The following CNTFR variants were observed in gnomAD, a reference collection of about 807,000 sequenced individuals.
CNTFR encodes the protein ciliary neurotrophic factor receptor, also known as ciliary neurotrophic factor receptor subunit alpha.
Under a neutral mutation model 40.4 loss-of-function variants are expected in CNTFR, and 12 were observed. The ratio of observed to expected loss-of-function variants is 0.30; its 90% CI spans 0.19 to 0.48. The LOEUF is 0.48. CNTFR is among the 20% of genes least tolerant of loss of function. The pLI is 0.99. For missense variants in CNTFR, 414 were observed against 506.8 expected (o/e 0.82, Z 1.76); for synonymous variants, 202 against 209.6 (o/e 0.96, Z 0.31).
intron 4 of CNTFR, among the ~76,000 whole-genome samples, chr9:34,559,394 G>T (rs1365167719): frequency 6.6e-6 from 1 of 152,230 alleles, no homozygotes; most frequent in Non-Finnish European, 1.5e-5. Context: ...GCACCAGGTG[G>T]AGGGTGCAAT....
chr9:34,588,966 CAA>C (rs1358161953), intron 1 of CNTFR, among the ~76,000 whole-genome samples: 5 of 152,182 alleles, frequency 3.3e-5, no homozygotes, highest in South Asian at 2.1e-4. Flanking sequence ...GGAAGACTTA[CAA>C]AGAGACACAC....
chr9:34,558,126 C>T (rs1030346046), intron 4 of CNTFR, 142 bp from the exon 5 acceptor site: 11 of 559,532 alleles, frequency 2.0e-5, no homozygotes, highest in South Asian at 1.4e-4. Context: ...AGGCTGTCAG[C>T]GAGGGTCTGA....
intron 1 of CNTFR, among the ~76,000 whole-genome samples, chr9:34,585,934 TG>T (rs776770521): frequency 2.2e-4 from 34 of 152,254 alleles, no homozygotes; most frequent in African/African-American, 7.7e-4. Flanking sequence ...CAACTCGCCA[TG>T]GGGGGGCAGA....
At chr9:34,568,426 C>T (rs929894976) in intron 3 of CNTFR, among the ~76,000 whole-genome samples, 2 of 152,164 alleles carry the variant, frequency 1.3e-5, no homozygotes, top group African/African-American at 4.8e-5. Context: ...CTCTCTCCCG[C>T]ATGTTAGCCT....
In CNTFR at chr9:34,557,289, C is replaced by T. The variant is rs573224094; in HGVS notation, c.604+237G>A. Among the ~76,000 whole-genome samples the T allele has an allele frequency of 5.3e-5, 8 of 152,230 alleles. No homozygotes were observed. The South Asian group carries it at 1.0e-3, about 20-fold the overall frequency. ...ATGTTCTGGGAGCCAGAAAAATGAT[C>T]GAAAGAGCTGCTGGACAGGTCTCTC... On this transcript the variant is annotated intron_variant, in intron 6 of 9. Transcript: ENST00000378980. The surrounding 1 kb of genome is among the most constrained non-coding windows in gnomAD (Gnocchi z 4.2).
At position 34,553,650 on chromosome 9, in the gene CNTFR, G is replaced by A. The variant is rs140711707; in HGVS notation, c.769-796C>T. ...GGGACAGCCCCTGGAGCTGCAGGGC[G>A]CAGGACAGCTGCTCCATTTCCTCCT... is the stretch of plus-strand genomic sequence containing the variant. On this transcript the variant is annotated intron_variant, in intron 7 of 9. Transcript: ENST00000378980. Among the ~76,000 whole-genome samples, 797 of 152,240 alleles carry A rather than the reference G, an allele frequency of 5.2e-3. 10 individuals carry two copies. The highest frequency in any genetic ancestry group is 0.032 in the Admixed American group (494 of 15,306).
intron 2 of CNTFR, among the ~76,000 whole-genome samples, chr9:34,579,076 C>T (rs2132241681): frequency 6.6e-6 from 1 of 152,262 alleles, no homozygotes. Flanking sequence ...CGCACACGCA[C>T]ACGTGCAAAT....
chr9:34,554,173 T>A (rs552979151), intron 7 of CNTFR, among the ~76,000 whole-genome samples: 118 of 152,128 alleles, frequency 7.8e-4, no homozygotes, highest in Non-Finnish European at 1.4e-3. Flanking sequence ...CCTCTTCTCC[T>A]GGAGCCAGGG....
intron 2 of CNTFR, among the ~76,000 whole-genome samples, chr9:34,575,782 C>T (rs1587158967): frequency 6.6e-6 from 1 of 151,776 alleles, no homozygotes; most frequent in Non-Finnish European, 1.5e-5. Context: ...TCTGACAGAG[C>T]CAGAGTTGGG....
At chr9:34,565,835 C>T (rs1826261297) in intron 3 of CNTFR, among the ~76,000 whole-genome samples, 1 of 152,024 alleles carries the variant, frequency 6.6e-6, no homozygotes, top group African/African-American at 2.4e-5. Flanking sequence ...TCTCAGGACA[C>T]CCCCTTCTCA....
At chr9:34,562,054 C>G (rs973044731) in intron 4 of CNTFR, among the ~76,000 whole-genome samples, 2 of 152,176 alleles carry the variant, frequency 1.3e-5, no homozygotes. Context: ...TCCCCTCCAA[C>G]GACCTCTCAA....
chr9:34,551,928 G>C lies in CNTFR; in HGVS notation c.*143C>G. 1.4e-6 allele frequency: 1 copy of C among 718,422 alleles called. No individual in the cohort carries two copies. Among genetic ancestry groups the C allele is most frequent in the East Asian group, 2.7e-5 (1 of 37,100 alleles). 44.5% of individuals were successfully genotyped at this position (718,422 alleles called of 1,614,324 possible). A position where few individuals can be genotyped will look rare whatever the true frequency, so the allele number is the denominator to read the frequency against. On this transcript the variant is annotated 3_prime_UTR_variant, in exon 10 of 10. Transcript: ENST00000378980. Reference sequence around the variant, plus strand: ...GCTGGGGGGCGGCAGGCCCGGGCCCGCCGGGGTCTCCACAAATTGTGTCTG... The same window carrying C: ...GCTGGGGGGCGGCAGGCCCGGGCCCCCCGGGGTCTCCACAAATTGTGTCTG...
At chr9:34,562,678 T>C (rs1487529270) in intron 4 of CNTFR, among the ~76,000 whole-genome samples, 1 of 152,154 alleles carries the variant, frequency 6.6e-6, no homozygotes, top group East Asian at 1.9e-4. Context: ...GGGTGAACCA[T>C]ACCCAAATAA....
At position 34,552,581 on chromosome 9, in the gene CNTFR, A is replaced by T; in HGVS notation, c.949+93T>A. 2.2e-6 allele frequency: 3 copies of T among 1,339,478 alleles called. No individual in the cohort carries two copies. The highest frequency in any genetic ancestry group is 3.0e-6 in the Non-Finnish European group (3 of 992,658). 83.0% of individuals were successfully genotyped at this position (1,339,478 alleles called of 1,614,324 possible). A position where few individuals can be genotyped will look rare whatever the true frequency, so the allele number is the denominator to read the frequency against. The stretch of plus-strand genomic sequence containing the variant: ...GAAGTGTGGCTACCCCCGGGAGCAG[A>T]GGCTGGAGGCAGCAGGGTAGAACCA... On this transcript the variant is annotated intron_variant, in intron 8 of 9. Coordinates refer to ENST00000378980, the MANE Select transcript of CNTFR (RefSeq NM_147164.3). This position sits in a 1 kb window ranked among gnomAD's most constrained non-coding sequence, Gnocchi z 5.1.
At chr9:34,562,435 A>G (rs1415829558) in intron 4 of CNTFR, among the ~76,000 whole-genome samples, 1 of 152,148 alleles carries the variant, frequency 6.6e-6, no homozygotes, top group East Asian at 1.9e-4. Flanking sequence ...TAACCAAAAA[A>G]AAGGCCTTCC....
In CNTFR at chr9:34,552,170, A is replaced by G. The variant is rs1825651501; in HGVS notation, c.1109T>C (p.Leu370Pro). 6.3e-7 allele frequency: 1 copy of G among 1,597,546 alleles called. No individual in the cohort carries two copies. ...GCCTCACTCAACCTACCAGATCAAGAGACTGCTGGCAGTGGCGGCAGCGGC... is the reference window on the plus strand; with the variant it reads ...GCCTCACTCAACCTACCAGATCAAGGGACTGCTGGCAGTGGCGGCAGCGGC... Reference protein sequence around the residue: ...LAAAAATASSLLI With the variant: ...LAAAAATASSPLI The change falls in exon 9 of 10, where the codon CTC becomes CCC. Residue 370 changes from leucine to proline, a missense_variant. Leu to Pro is a moderately conservative substitution (Grantham distance 98). Around this residue, in one of 3 missense-constraint regions of CNTFR, gnomAD observed 81 missense variants for 92.2 expected, o/e 0.88. Transcript: ENST00000378980. The surrounding 1 kb of genome is among the most constrained non-coding windows in gnomAD (Gnocchi z 5.1).
At chr9:34,565,753 C>T (rs1826256390) in intron 3 of CNTFR, among the ~76,000 whole-genome samples, 1 of 152,122 alleles carries the variant, frequency 6.6e-6, no homozygotes, top group Non-Finnish European at 1.5e-5. Flanking sequence ...ACAGGCAGCA[C>T]GAAGTGGGGG....
In CNTFR at chr9:34,552,586, G is replaced by A. The variant is rs1038699609; in HGVS notation, c.949+88C>T. On this transcript the variant is annotated intron_variant, in intron 8 of 9. Coordinates refer to ENST00000378980, the MANE Select transcript of CNTFR (RefSeq NM_147164.3). This position sits in a 1 kb window ranked among gnomAD's most constrained non-coding sequence, Gnocchi z 5.1. The stretch of plus-strand genomic sequence containing the variant: ...GTGGCTACCCCCGGGAGCAGAGGCT[G>A]GAGGCAGCAGGGTAGAACCAGGCCA... 9 of 1,377,776 alleles carry A rather than the reference G, an allele frequency of 6.5e-6. No individual in the cohort carries two copies. In the African/African-American group the frequency reaches 1.2e-4, roughly 18 times the overall value. The allele number at this position is 1,377,776 out of a possible 1,614,324, so 85.3% of individuals were successfully genotyped here. A position where few individuals can be genotyped will look rare whatever the true frequency, so the allele number is the denominator to read the frequency against.
Position 34,564,689 on chromosome 9 carries a change from G to A in CNTFR, c.229C>T (p.His77Tyr). The A allele has an allele frequency of 6.2e-7, 1 of 1,614,124 alleles. No individual in the cohort carries two copies. Among genetic ancestry groups the A allele is most frequent in the Non-Finnish European group, 8.5e-7 (1 of 1,179,988 alleles). The change falls in exon 4 of 10, where the codon CAT becomes TAT. Residue 77 changes from histidine to tyrosine, a missense_variant. This residue lies in a region of CNTFR where 250 missense variants were observed against 269.5 expected (regional missense o/e 0.93). Transcript: ENST00000378980. ...CCACTGTGGCCCAGTTCCAGGCCATGGAGCACCAGCTGAGAGCCGTTGAGC... is the reference window on the plus strand; with the variant it reads ...CCACTGTGGCCCAGTTCCAGGCCATAGAGCACCAGCTGAGAGCCGTTGAGC... ...DLLNGSQLVL[H>Y]GLELGHSGLY...
Sources: gnomAD v4.1 joint callset for allele counts (sites outside exome capture counted in the v4.1 genomes callset) on GRCh38, gnomAD v4.1.1 for gene constraint, gnomAD v4.1.1 regional missense constraint, Gnocchi (gnomAD v3.1) non-coding constraint, MANE v1.5 for transcripts, NCBI Gene and HGNC (gene_info 2026-07-23, HGNC 2026-07-21) for gene names.